Variants in MSRA observed in about 807,000 individuals in gnomAD.
The protein encoded by MSRA is mitochondrial peptide methionine sulfoxide reductase.
A neutral mutation model predicts 31.3 loss-of-function variants in MSRA; 54 were observed. The observed-to-expected ratio is 1.73, with a 90% CI of 1.39 to 2.17. The LOEUF (loss-of-function observed/expected upper bound fraction) is 2.17, where lower values mean the gene tolerates loss of function less well. Ranked by LOEUF, MSRA falls within the 30% of genes most tolerant of loss-of-function variation. The pLI, the probability that MSRA is intolerant of heterozygous loss-of-function variation, is 0.00. For synonymous variants in MSRA, 169 were observed against 116.5 expected (o/e 1.45, Z -2.90); for missense variants, 507 against 300.9 (o/e 1.69, Z -5.07).
intron 2 of MSRA, among the ~76,000 whole-genome samples, chr8:10,234,012 G>A (rs1054382693): frequency 1.3e-5 from 2 of 152,090 alleles, no homozygotes; most frequent in Non-Finnish European, 2.9e-5. Flanking sequence ...AGAAGACAAT[G>A]GAGTAACATC....
intron 1 of MSRA, among the ~76,000 whole-genome samples, chr8:10,195,097 C>T (rs1425684813): frequency 6.6e-6 from 1 of 152,126 alleles, no homozygotes; most frequent in African/African-American, 2.4e-5. Context: ...CTGATTATTG[C>T]ATAGCATGGA....
intron 1 of MSRA, among the ~76,000 whole-genome samples, chr8:10,132,820 A>G (rs1314960774): frequency 2.0e-5 from 3 of 152,256 alleles, no homozygotes; most frequent in Admixed American, 1.3e-4. Context: ...ATAGATGTTT[A>G]AAATAGTTGC....
At chr8:10,062,978 T>G (rs1354128628) in intron 1 of MSRA, among the ~76,000 whole-genome samples, 2 of 152,192 alleles carry the variant, frequency 1.3e-5, no homozygotes, top group Non-Finnish European at 2.9e-5. Context: ...TGGCTTTGCT[T>G]TCTTCTCTCA....
At chr8:10,395,605 C>G (rs1807047474) in intron 5 of MSRA, among the ~76,000 whole-genome samples, 1 of 152,176 alleles carries the variant, frequency 6.6e-6, no homozygotes, top group South Asian at 2.1e-4. Context: ...CAGGCAGCAT[C>G]ATGAATGAGT....
At chr8:10,195,381 C>T (rs1211431126) in intron 1 of MSRA, among the ~76,000 whole-genome samples, 2 of 152,200 alleles carry the variant, frequency 1.3e-5, no homozygotes, top group African/African-American at 4.8e-5. Flanking sequence ...GCTGGGACTA[C>T]AGGCACATGC....
chr8:10,223,575 C>T (rs1225778438), intron 2 of MSRA, among the ~76,000 whole-genome samples: 1 of 152,126 alleles, frequency 6.6e-6, no homozygotes, highest in Non-Finnish European at 1.5e-5. Context: ...TAGAGAAAAA[C>T]TATTGTTATG....
chr8:10,253,562 A>T (rs1171910465), intron 3 of MSRA, among the ~76,000 whole-genome samples: 3 of 152,236 alleles, frequency 2.0e-5, no homozygotes, highest in African/African-American at 2.4e-5. Flanking sequence ...AACACTAGAA[A>T]TAGGTTATTC....
intron 1 of MSRA, among the ~76,000 whole-genome samples, chr8:10,195,243 C>CT (rs1420926123): frequency 6.6e-6 from 1 of 152,138 alleles, no homozygotes; most frequent in Non-Finnish European, 1.5e-5. Flanking sequence ...AATTTCCTAT[C>CT]TTTTTTGTTT....
intron 5 of MSRA, among the ~76,000 whole-genome samples, chr8:10,420,719 CAT>C (rs1321043728): frequency 6.6e-6 from 1 of 151,996 alleles, no homozygotes; most frequent in Non-Finnish European, 1.5e-5. Flanking sequence ...GTTAGTATCA[CAT>C]ATGCTATCGG....
rs557899651 is a variant in MSRA, at chr8:10,128,103, T to A, written c.142+73445T>A. ...TTAAAAAGTTTCTGTCTAGGCCAGG[T>A]GCGATGGCTCACACCTGTAATCCCA... On this transcript the variant is annotated intron_variant, in intron 1 of 5. Transcript: ENST00000317173. Among the ~76,000 whole-genome samples, 24 of 152,124 alleles carry A rather than the reference T, an allele frequency of 1.6e-4. No homozygotes were observed. The South Asian group carries it at 4.8e-3, about 30-fold the overall frequency.
chr8:10,099,177 A>T (rs767855644), intron 1 of MSRA, among the ~76,000 whole-genome samples: 1 of 152,216 alleles, frequency 6.6e-6, no homozygotes, highest in African/African-American at 2.4e-5. Flanking sequence ...TCTCTGATAC[A>T]AAAAGAAGGC....
At chr8:10,160,220 C>T (rs759515000) in intron 1 of MSRA, among the ~76,000 whole-genome samples, 3 of 152,158 alleles carry the variant, frequency 2.0e-5, no homozygotes, top group East Asian at 1.9e-4. Context: ...AGGATGGGGC[C>T]AGGCACAGTG....
chr8:10,119,539 C>T lies in MSRA; in HGVS notation c.142+64881C>T, dbSNP rs142277104. 1.3e-3 allele frequency among the ~76,000 whole-genome samples: 194 copies of T among 152,292 alleles called. 1 individual carries two copies. Among genetic ancestry groups the T allele is most frequent in the African/African-American group, 4.1e-3 (170 of 41,554 alleles). On this transcript the variant is annotated intron_variant, in intron 1 of 5. Coordinates refer to ENST00000317173, the MANE Select transcript of MSRA (RefSeq NM_012331.5). The stretch of plus-strand genomic sequence containing the variant: ...AAGGTATTTCTGTGTGTATTTGGTT[C>T]GCTGATCAGCACTTGGGTTACCAAG...
intron 2 of MSRA, among the ~76,000 whole-genome samples, chr8:10,233,823 T>G (rs1811702690): frequency 6.6e-6 from 1 of 152,166 alleles, no homozygotes; most frequent in African/African-American, 2.4e-5. Context: ...ATCATCATAT[T>G]CAAAGTATAT....
intron 5 of MSRA, among the ~76,000 whole-genome samples, chr8:10,363,941 CAAAACAA>C (rs1453242458): frequency 1.3e-5 from 2 of 152,080 alleles, no homozygotes; most frequent in South Asian, 2.1e-4. Flanking sequence ...AACAAAACAA[CAAAACAA>C]AAAACAAAAG....
rs1050174134 is a variant in MSRA, at chr8:10,133,940, C to T, written c.143-73893C>T. On this transcript the variant is annotated intron_variant, in intron 1 of 5. Coordinates refer to ENST00000317173, the MANE Select transcript of MSRA (RefSeq NM_012331.5). The stretch of plus-strand genomic sequence containing the variant: ...CTGTCTCCTGGGTTCAAGTGATTCT[C>T]GTTTCTCAGCCTCCTGAGTAGCTGG... Among the ~76,000 whole-genome samples, 7 of 152,090 alleles carry T rather than the reference C, an allele frequency of 4.6e-5. No individual in the cohort carries two copies. In the South Asian group the frequency reaches 1.0e-3, roughly 23 times the overall value.
At chr8:10,306,712 G>A (rs1353355312) in intron 4 of MSRA, among the ~76,000 whole-genome samples, 4 of 152,128 alleles carry the variant, frequency 2.6e-5, no homozygotes, top group African/African-American at 9.7e-5. Flanking sequence ...AATGACCTGT[G>A]CATGAATAAC....
intron 5 of MSRA, among the ~76,000 whole-genome samples, chr8:10,375,794 C>G (rs970094935): frequency 6.6e-6 from 1 of 152,226 alleles, no homozygotes; most frequent in African/African-American, 2.4e-5. Context: ...AATGCCTGGT[C>G]ATGGTCATTT....
chr8:10,245,007 T>G (rs1797539969), intron 2 of MSRA, 97 bp from the exon 3 acceptor site: 1 of 1,158,536 alleles, frequency 8.6e-7, no homozygotes, highest in Non-Finnish European at 1.2e-6. Context: ...AGGAGCAACT[T>G]TTTTTTTTTC....
Sources: allele counts gnomAD v4.1 joint callset (sites outside exome capture counted in the v4.1 genomes callset), GRCh38; gene constraint gnomAD v4.1.1; transcripts MANE v1.5; gene names NCBI Gene and HGNC (gene_info 2026-07-23, HGNC 2026-07-21).